Variants in NOP53 observed in about 807,000 individuals in gnomAD.
NOP53 encodes the protein ribosome biogenesis protein NOP53.
NOP53 carries 40 observed loss-of-function variants against 61.0 expected under a neutral mutation model. The ratio of observed to expected loss-of-function variants is 0.66; its 90% confidence interval spans 0.51 to 0.85. NOP53 has a LOEUF of 0.85. Among genes scored for constraint, NOP53 ranks in the 40% least tolerant of loss-of-function variants. The pLI, the probability that NOP53 is intolerant of heterozygous loss-of-function variation, is 0.00. For missense variants in NOP53, 689 were observed against 652.9 expected, an observed-to-expected ratio of 1.06 and a Z score of -0.60; for synonymous variants, 308 against 289.5, an observed-to-expected ratio of 1.06 and a Z score of -0.65.
Position 47,754,904 on chromosome 19 carries a change from G to A in NOP53, c.1053+13G>A. The A allele has an allele frequency of 6.7e-7, 1 of 1,491,956 alleles. No individual in the cohort carries two copies. The highest frequency in any genetic ancestry group is 1.3e-5 in the South Asian group (1 of 77,212). 92.4% of individuals were successfully genotyped at this position (1,491,956 alleles called of 1,614,324 possible). On this transcript the variant is annotated intron_variant, in intron 8 of 12. Transcript: ENST00000246802. The surrounding 1 kb of genome is among the most constrained non-coding windows in gnomAD (Gnocchi z 4.2). ...TGTGCACAGGCTGGTGAGCGCCTGG[G>A]CCAGCGGGGCCTGCCTCTGATGCCT... is the stretch of plus-strand genomic sequence containing the variant.
chr19:47,752,745 T>C, intron 6 of NOP53, 138 bp downstream of exon 6: 1 of 628,086 alleles, frequency 1.6e-6, no homozygotes, highest in South Asian at 1.8e-5. Flanking sequence ...CACGGTCCAG[T>C]GCAAGAGACC....
chr19:47,756,522 C>G lies in NOP53; in HGVS notation c.1297-6C>G, dbSNP rs1190060456. 1 of 1,612,790 alleles carries G rather than the reference C, an allele frequency of 6.2e-7. No homozygotes were observed. The highest frequency in any genetic ancestry group is 1.7e-5 in the Admixed American group (1 of 60,026). On this transcript the variant is annotated splice_region_variant and splice_polypyrimidine_tract_variant and intron_variant, in intron 10 of 12. Coordinates refer to ENST00000246802, the MANE Select transcript of NOP53 (RefSeq NM_015710.5). The stretch of plus-strand genomic sequence containing the variant: ...CCCTGCTGAGGCCTCCCTCTCTGTC[C>G]TGTAGCCCGAGGGCAACATCCTTCG...
chr19:47,751,659 C>T, intron 5 of NOP53, 69 bp downstream of exon 5: 1 of 1,183,098 alleles, frequency 8.5e-7, no homozygotes, highest in Non-Finnish European at 1.3e-6. Context: ...CTCTGTGTTC[C>T]TGCAGTAGAG....
chr19:47,751,368 C>G, intron 4 of NOP53, 152 bp from the exon 5 acceptor site: 1 of 666,898 alleles, frequency 1.5e-6, no homozygotes, highest in South Asian at 1.8e-5. Context: ...CAGTTTTGTC[C>G]TGGTGATCAA....
chr19:47,756,468 G>A, intron 10 of NOP53, 60 bp from the exon 11 acceptor site: 1 of 1,400,436 alleles, frequency 7.1e-7, no homozygotes, highest in South Asian at 1.2e-5. Flanking sequence ...ACCCCGAGGA[G>A]AGGTCCAGGC....
rs756004246 is a variant in NOP53 at position 47,756,617 on chromosome 19, C to T, written c.1373+13C>T. ...GAGAGAGAGCCAAGTAAGGGGCGGC[C>T]GGGGCTGCTGTGGGGCGAGGGCATC... On this transcript the variant is annotated intron_variant, in intron 11 of 12. Coordinates refer to ENST00000246802, the MANE Select transcript of NOP53 (RefSeq NM_015710.5). The T allele has an allele frequency of 5.2e-5, 84 of 1,613,496 alleles. No individual in the cohort carries two copies. The highest frequency in any genetic ancestry group is 6.8e-5 in the Non-Finnish European group (80 of 1,179,654).
Position 47,750,355 on chromosome 19 carries a change from G to C in NOP53, c.398+69G>C, listed in dbSNP as rs141700981. 8.1e-3 allele frequency: 7,851 copies of C among 965,584 alleles called. 48 individuals are homozygous for C. The highest frequency in any genetic ancestry group is 0.01 in the Non-Finnish European group (6,018 of 599,942). The allele number at this position is 965,584 out of a possible 1,614,324, so 59.8% of individuals were successfully genotyped here. On this transcript the variant is annotated intron_variant, in intron 3 of 12. Transcript: ENST00000246802. ...CTGGTCCTAAAGGGTTTCCGGGGCT[G>C]GGGGCTGGTAGGTGAGGGTCATTTG...
In NOP53 at chr19:47,752,531, C is replaced by G; in HGVS notation, c.689C>G (p.Thr230Ser). ...CCACAGCGGCCAGCACGCCTGCACA[C>G]CAAGCCGTCCCAGGCACCCGCCGTG... is the stretch of plus-strand genomic sequence containing the variant. ...KGVKRPARLHTKPSQAPAVEV... is the reference protein window; with the variant it reads ...KGVKRPARLHSKPSQAPAVEV... Residue 230 changes from threonine (T) to serine (S), a missense_variant, in exon 6 of 13, where the codon ACC becomes AGC. Physicochemically the swap from Thr to Ser is moderately conservative, Grantham distance 58. Transcript: ENST00000246802. 1 of 1,606,852 alleles carries G rather than the reference C, an allele frequency of 6.2e-7. No individual in the cohort carries two copies. Among genetic ancestry groups the G allele is most frequent in the South Asian group, 1.1e-5 (1 of 91,024 alleles).
Position 47,751,617 on chromosome 19 carries a change from G to A in NOP53, c.669+27G>A, listed in dbSNP as rs1397857427. On this transcript the variant is annotated intron_variant, in intron 5 of 12. Transcript: ENST00000246802. ...TGAGATGTGTGGGAAGGGCATCCTGGGTGATGGGAGGGTGAGGAGGGCCGG... is the reference window on the plus strand; with the variant it reads ...TGAGATGTGTGGGAAGGGCATCCTGAGTGATGGGAGGGTGAGGAGGGCCGG... 3 of 1,573,084 alleles carry A rather than the reference G, an allele frequency of 1.9e-6. No homozygotes were observed. The South Asian group carries it at 3.3e-5, about 17-fold the overall frequency.
At position 47,745,741 on chromosome 19, in the gene NOP53, A is replaced by G; in HGVS notation, c.182A>G (p.Asp61Gly). ...LAQEPLGLEVDQFLEDVRLQE... is the reference protein window; with the variant it reads ...LAQEPLGLEVGQFLEDVRLQE... ...CAGGAGCCGCTGGGGCTGGAGGTTGACCAGTTCCTGGAAGACGTGCGGCTA... is the reference window on the plus strand; with the variant it reads ...CAGGAGCCGCTGGGGCTGGAGGTTGGCCAGTTCCTGGAAGACGTGCGGCTA... Residue 61 changes from aspartate to glycine, a missense_variant, in exon 1 of 13, where the codon GAC (aspartate) becomes GGC (glycine). Asp to Gly is a moderately conservative substitution (Grantham distance 94). Coordinates refer to ENST00000246802, the MANE Select transcript of NOP53 (RefSeq NM_015710.5). The G allele has an allele frequency of 6.2e-7, 1 of 1,603,080 alleles. No individual in the cohort carries two copies.
Position 47,752,827 on chromosome 19 carries a change from G to A in NOP53, c.765+220G>A, listed in dbSNP as rs1471585164. On this transcript the variant is annotated intron_variant, in intron 6 of 12. Coordinates refer to ENST00000246802, the MANE Select transcript of NOP53 (RefSeq NM_015710.5). The stretch of plus-strand genomic sequence containing the variant: ...ACGGGGCACCTGGCCCAGCCTGGGG[G>A]GTCAGGAAGGGCTCCCGGGAGGAGG... 4.3e-5 allele frequency: 23 copies of A among 532,026 alleles called. No individual in the cohort carries two copies. The East Asian group carries it at 6.6e-4, about 15-fold the overall frequency. 33.0% of individuals were successfully genotyped at this position (532,026 alleles called of 1,614,324 possible).
intron 2 of NOP53, among the ~76,000 whole-genome samples, chr19:47,749,768 A>G (rs1042604871): frequency 6.6e-6 from 1 of 151,134 alleles, no homozygotes; most frequent in Middle Eastern, 3.4e-3. Flanking sequence ...TCCCCCTGAG[A>G]TGAGATCTCA....
rs746528201 is a variant in NOP53 at position 47,756,961 on chromosome 19, C to T, written c.1431-38C>T. The T allele has an allele frequency of 5.0e-6, 8 of 1,613,552 alleles. No homozygotes were observed. The African/African-American group carries it at 5.3e-5, about 11-fold the overall frequency. The stretch of plus-strand genomic sequence containing the variant: ...CAGGTCGGCAGGGGGTATGGGGCAC[C>T]CTCTCACCCACCCTCAGCTCCTTTC... On this transcript the variant is annotated intron_variant, in intron 12 of 12. Transcript: ENST00000246802.
rs1240426937 is a variant in NOP53, at chr19:47,756,509, C to G, written c.1297-19C>G. ...GGCTTCTGCCAGGCCCTGCTGAGGC[C>G]TCCCTCTCTGTCCTGTAGCCCGAGG... is the stretch of plus-strand genomic sequence containing the variant. On this transcript the variant is annotated intron_variant, in intron 10 of 12. Transcript: ENST00000246802. 1 of 1,609,954 alleles carries G rather than the reference C, an allele frequency of 6.2e-7. No individual in the cohort carries two copies. Among genetic ancestry groups the G allele is most frequent in the East Asian group, 2.2e-5 (1 of 44,854 alleles).
In NOP53 at chr19:47,756,613, C is replaced by G. The variant is rs367594833; in HGVS notation, c.1373+9C>G. The G allele has an allele frequency of 6.2e-6, 10 of 1,613,390 alleles. No homozygotes were observed. The African/African-American group carries it at 9.3e-5, about 15-fold the overall frequency. On this transcript the variant is annotated intron_variant, in intron 11 of 12. Transcript: ENST00000246802. ...CCTCGAGAGAGAGCCAAGTAAGGGG[C>G]GGCCGGGGCTGCTGTGGGGCGAGGG... is the stretch of plus-strand genomic sequence containing the variant.
chr19:47,748,393 G>A (rs1171491029), intron 2 of NOP53, among the ~76,000 whole-genome samples: 4 of 152,036 alleles, frequency 2.6e-5, no homozygotes, highest in Non-Finnish European at 5.9e-5. Flanking sequence ...TCAATATGTA[G>A]AAAAACAAAC....
intron 2 of NOP53, among the ~76,000 whole-genome samples, chr19:47,749,168 A>T (rs954489290): frequency 1.3e-5 from 2 of 152,248 alleles, no homozygotes; most frequent in African/African-American, 4.8e-5. Flanking sequence ...CTCAAAAAAA[A>T]AAAAAAGTGG....
At position 47,755,507 on chromosome 19, in the gene NOP53, A is replaced by G; in HGVS notation, c.1213A>G (p.Arg405Gly). Residue 405 changes from arginine to glycine, a missense_variant, in exon 9 of 13, where the codon AGG becomes GGG. By Grantham distance (125) the Arg-to-Gly change is moderately radical (BLOSUM62 -2). Transcript: ENST00000246802. The stretch of plus-strand genomic sequence containing the variant: ...GGAGGCTGAGGCTGACAAGCCCCGA[A>G]GGCTGGGGCGGCTCAAGTGAGAACC... The part of the protein sequence containing the change: ...RREAEADKPR[R>G]LGRLKYQAPD... The G allele has an allele frequency of 6.8e-7, 1 of 1,472,084 alleles. No homozygotes were observed. The highest frequency in any genetic ancestry group is 2.5e-5 in the East Asian group (1 of 39,370). 91.2% of individuals were successfully genotyped at this position (1,472,084 alleles called of 1,614,324 possible).
chr19:47,755,075 GC>G lies in NOP53; in HGVS notation c.1053+185del, dbSNP rs756910947. On this transcript the variant is annotated intron_variant, in intron 8 of 12. Coordinates refer to ENST00000246802, the MANE Select transcript of NOP53 (RefSeq NM_015710.5). ...CATTTCCCAGCCTCTTCCAGGCAGGGCTCGGGCTGGGGTGGGACAGGGTCCC... is the reference window on the plus strand; with the variant it reads ...CATTTCCCAGCCTCTTCCAGGCAGGGTCGGGCTGGGGTGGGACAGGGTCCC... Among the ~76,000 whole-genome samples the G allele has an allele frequency of 4.0e-3, 613 of 152,292 alleles. 12 individuals carry two copies. Among genetic ancestry groups the G allele is most frequent in the Non-Finnish European group, 5.2e-3 (351 of 68,020 alleles).
Sources: gnomAD v4.1 joint callset for allele counts (sites outside exome capture counted in the v4.1 genomes callset) on GRCh38, gnomAD v4.1.1 for gene constraint, Gnocchi (gnomAD v3.1) non-coding constraint, MANE v1.5 for transcripts, NCBI Gene and HGNC (gene_info 2026-07-23, HGNC 2026-07-21) for gene names.